HPGDS: variants seen among roughly 807,000 people sequenced by gnomAD.
HPGDS encodes the protein hematopoietic prostaglandin D synthase, also known as GST class-sigma.
Under a neutral mutation model 23.1 loss-of-function variants are expected in HPGDS, and 26 were observed. The observed-to-expected ratio is 1.13, with a 90% CI of 0.83 to 1.56. HPGDS has a LOEUF of 1.56. Among genes scored for constraint, HPGDS ranks in the 40% most tolerant of loss-of-function variants. HPGDS has a pLI of 0.00. For missense variants in HPGDS, 268 were observed against 236.4 expected (o/e 1.13, Z -0.88); for synonymous variants, 95 against 77.9 (o/e 1.22, Z -1.16).
At chr4:94,313,885 T>A (rs144756997) in intron 3 of HPGDS, among the ~76,000 whole-genome samples, 3,760 of 151,690 alleles carry the variant, frequency 0.025, 104 homozygotes, top group African/African-American at 0.075. Context: ...CATTTCATTC[T>A]TTTGATCTTC....
In HPGDS at chr4:94,302,246, T is replaced by A; in HGVS notation, c.337-2A>T. On this transcript the variant is annotated splice_acceptor_variant, in intron 4 of 5. Coordinates refer to ENST00000295256, the MANE Select transcript of HPGDS (RefSeq NM_014485.3). LOFTEE classifies it high-confidence loss of function. ...GAGCAGCTCATTGAACATCTGCTCC[T>A]AGGAGAAGGAGAAAATATCACTTTA... 6.3e-7 allele frequency: 1 copy of A among 1,596,202 alleles called. No individual in the cohort carries two copies. Among genetic ancestry groups the A allele is most frequent in the Non-Finnish European group, 8.6e-7 (1 of 1,166,288 alleles).
At chr4:94,307,775 G>A (rs1280932922) in intron 4 of HPGDS, among the ~76,000 whole-genome samples, 1 of 152,092 alleles carries the variant, frequency 6.6e-6, no homozygotes, top group Non-Finnish European at 1.5e-5. Context: ...GTGAAAAGAA[G>A]CAAAAGAAAG....
chr4:94,308,690 T>G lies in HPGDS; in HGVS notation c.280A>C (p.Thr94Pro). 1 of 1,610,138 alleles carries G rather than the reference T, an allele frequency of 6.2e-7. No individual in the cohort carries two copies. The highest frequency in any genetic ancestry group is 1.7e-5 in the Admixed American group (1 of 59,822). ...EQCHVDAIVDTLDDFMSCFPW... is the reference protein window; with the variant it reads ...EQCHVDAIVDPLDDFMSCFPW... Reference sequence around the variant, plus strand: ...AAACATGACATGAAATCATCCAGAGTGTCCACAATAGCATCAACATGACAT... The same window carrying G: ...AAACATGACATGAAATCATCCAGAGGGTCCACAATAGCATCAACATGACAT... The change falls in exon 4 of 6, where the codon ACT (threonine) becomes CCT (proline). Residue 94 changes from threonine to proline, a missense_variant. Physicochemically the swap from Thr to Pro is conservative, Grantham distance 38. Transcript: ENST00000295256.
chr4:94,301,687 G>GA (rs200358320), intron 5 of HPGDS, among the ~76,000 whole-genome samples: 2,167 of 151,278 alleles, frequency 0.014, 31 homozygotes, highest in Middle Eastern at 0.058. Flanking sequence ...AATAATACCA[G>GA]AAAAAAAATA....
chr4:94,313,510 G>GTT (rs1756326313), intron 3 of HPGDS, among the ~76,000 whole-genome samples: 1 of 150,140 alleles, frequency 6.7e-6, no homozygotes, highest in African/African-American at 2.5e-5. Context: ...GAGATCAGCT[G>GTT]TTAGTCTGAT....
At chr4:94,323,706 A>G (rs1756567591) in intron 2 of HPGDS, among the ~76,000 whole-genome samples, 1 of 151,930 alleles carries the variant, frequency 6.6e-6, no homozygotes, top group South Asian at 2.1e-4. Flanking sequence ...ATGGGTCTTG[A>G]GTCTTTATCC....
intron 1 of HPGDS, among the ~76,000 whole-genome samples, chr4:94,335,906 A>G (rs1360378586): frequency 6.6e-6 from 1 of 152,172 alleles, no homozygotes; most frequent in Non-Finnish European, 1.5e-5. Context: ...ACAAAGTTTC[A>G]TCAAAAATCA....
chr4:94,340,882 T>A (rs1721156587), intron 1 of HPGDS, among the ~76,000 whole-genome samples: 1 of 140,438 alleles, frequency 7.1e-6, no homozygotes, highest in East Asian at 2.0e-4. Context: ...TCTTGCTCTG[T>A]CGCCCAGGCT....
intron 4 of HPGDS, among the ~76,000 whole-genome samples, chr4:94,305,587 C>T (rs915630502): frequency 1.3e-5 from 2 of 152,102 alleles, no homozygotes. Context: ...TAGGCTTTAG[C>T]TTTAACATGT....
rs1382565721 is a variant in HPGDS, at chr4:94,299,359, G to A, written c.*121C>T. The A allele has an allele frequency of 1.2e-6, 1 of 813,080 alleles. No homozygotes were observed. Among genetic ancestry groups the A allele is most frequent in the African/African-American group, 1.7e-5 (1 of 58,274 alleles). 50.4% of individuals were successfully genotyped at this position (813,080 alleles called of 1,614,324 possible). A position where few individuals can be genotyped will look rare whatever the true frequency, so the allele number is the denominator to read the frequency against. ...TTTTAAAAATCAGAATATGGCTAAA[G>A]TGAAAATCTTAGTGGAGCTGGGGAG... On this transcript the variant is annotated 3_prime_UTR_variant, in exon 6 of 6. Coordinates refer to ENST00000295256, the MANE Select transcript of HPGDS (RefSeq NM_014485.3).
intron 2 of HPGDS, among the ~76,000 whole-genome samples, chr4:94,326,997 T>C (rs541121549): frequency 7.6e-4 from 116 of 152,260 alleles, no homozygotes; most frequent in Non-Finnish European, 1.3e-3. Flanking sequence ...TCTGTGAGTT[T>C]CTCAGTGGCT....
At chr4:94,332,963 C>T (rs1756760580) in intron 2 of HPGDS, among the ~76,000 whole-genome samples, 1 of 151,844 alleles carries the variant, frequency 6.6e-6, no homozygotes, top group South Asian at 2.1e-4. Flanking sequence ...TTTTAAAGTA[C>T]TTCAGTGTTA....
At chr4:94,336,803 C>T (rs1011815353) in intron 1 of HPGDS, among the ~76,000 whole-genome samples, 3 of 152,048 alleles carry the variant, frequency 2.0e-5, no homozygotes, top group African/African-American at 7.2e-5. Flanking sequence ...AAATAAAAAA[C>T]ATAATAATTA....
rs755305072 is a variant in HPGDS at position 94,302,209 on chromosome 4, C to T, written c.372G>A (p.Ala124=). ...TGTCCAAGTCTTGCATAAGATGAGG[C>T]GCATTATACGTGAGCAGCTCATTGA... ...QMFNELLTYN[A]PHLMQDLDTY... is the part of the protein sequence containing the mutation. Residue 124 remains alanine, a synonymous_variant, in exon 5 of 6, where the codon GCG becomes GCA. Coordinates refer to ENST00000295256, the MANE Select transcript of HPGDS (RefSeq NM_014485.3). 67 of 1,612,286 alleles carry T rather than the reference C, an allele frequency of 4.2e-5. No individual in the cohort carries two copies. The highest frequency in any genetic ancestry group is 8.0e-5 in the African/African-American group (6 of 74,784).
rs142158732 is a variant in HPGDS, at chr4:94,325,865, C to T, written c.134-7900G>A. Reference sequence around the variant, plus strand: ...TGCAGAAATCACCCATCTTCTGCATCAGTCACGCTGGGAGCTGCAGACTGG... The same window carrying T: ...TGCAGAAATCACCCATCTTCTGCATTAGTCACGCTGGGAGCTGCAGACTGG... On this transcript the variant is annotated intron_variant, in intron 2 of 5. Transcript: ENST00000295256. 3.4e-3 allele frequency among the ~76,000 whole-genome samples: 525 copies of T among 152,296 alleles called. 4 individuals are homozygous for T. Among genetic ancestry groups the T allele is most frequent in the African/African-American group, 0.012 (505 of 41,562 alleles).
At chr4:94,322,144 T>A (rs1476303250) in intron 2 of HPGDS, among the ~76,000 whole-genome samples, 2 of 152,194 alleles carry the variant, frequency 1.3e-5, no homozygotes, top group Non-Finnish European at 2.9e-5. Flanking sequence ...AGGTTTTTGA[T>A]GTGTTGCTGG....
chr4:94,335,661 A>G (rs1192143728), intron 1 of HPGDS, among the ~76,000 whole-genome samples: 1 of 152,216 alleles, frequency 6.6e-6, no homozygotes, highest in African/African-American at 2.4e-5. Context: ...AAACTTAATC[A>G]TTAGCATCAG....
chr4:94,321,373 T>C lies in HPGDS; in HGVS notation c.134-3408A>G, dbSNP rs530661168. 2.7e-3 allele frequency among the ~76,000 whole-genome samples: 416 copies of C among 152,330 alleles called. 3 individuals are homozygous for C. Among genetic ancestry groups the C allele is most frequent in the African/African-American group, 9.4e-3 (390 of 41,572 alleles). ...TTGGGCAGTATGGCCATTTTCACGA[T>C]ATTGATTCTTCCTACCCATGAGCAT... On this transcript the variant is annotated intron_variant, in intron 2 of 5. Transcript: ENST00000295256.
Position 94,334,505 on chromosome 4 carries a change from A to T in HPGDS, c.125T>A (p.Ile42Asn), listed in dbSNP as rs1248070143. ...TTATTTTTGCTACTTACTTGATTTG[A>T]TTTCAGGCCAGTCAGCTTGTTCTAT... is the stretch of plus-strand genomic sequence containing the variant. ...HRIEQADWPE[I>N]KSTLPFGKIP... Residue 42 changes from isoleucine to asparagine, a missense_variant, in exon 2 of 6, where the codon ATC becomes AAC. Transcript: ENST00000295256. The T allele has an allele frequency of 1.9e-6, 3 of 1,592,458 alleles. No homozygotes were observed. The highest frequency in any genetic ancestry group is 2.6e-6 in the Non-Finnish European group (3 of 1,171,712).
Sources: allele counts gnomAD v4.1 joint callset (sites outside exome capture counted in the v4.1 genomes callset), GRCh38; gene constraint gnomAD v4.1.1; transcripts MANE v1.5; gene names NCBI Gene and HGNC (gene_info 2026-07-23, HGNC 2026-07-21).